C16orf82: variants seen among roughly 807,000 people sequenced by gnomAD.
The protein encoded by C16orf82 is chromosome 16 open reading frame 82.
For missense variants in C16orf82, 176 were observed against 206.1 expected, an observed-to-expected ratio of 0.85 and a Z score of 0.89; for synonymous variants, 82 against 85.5, an observed-to-expected ratio of 0.96 and a Z score of 0.22.
In C16orf82 at chr16:27,067,559, G is replaced by C; in HGVS notation, c.*99G>C. 1.1e-6 allele frequency: 1 copy of C among 924,454 alleles called. No homozygotes were observed. Among genetic ancestry groups the C allele is most frequent in the Non-Finnish European group, 1.5e-6 (1 of 686,518 alleles). 57.3% of individuals were successfully genotyped at this position (924,454 alleles called of 1,614,324 possible). A position where few individuals can be genotyped will look rare whatever the true frequency, so the allele number is the denominator to read the frequency against. On this transcript the variant is annotated 3_prime_UTR_variant, in exon 1 of 1. Transcript: ENST00000505035. ...GCCCTCACCTACAAGGTGAGCAGCG[G>C]GCTGCTGACTTCCACAGCCAGCCTT...
rs748192515 is a variant in C16orf82, at chr16:27,069,057, G to T, written c.*1597G>T. Reference sequence around the variant, plus strand: ...GTTGACCTCACAGACATTGAAGTGAGTCTGCCCACAAAGGAAAAGAGGCCA... The same window carrying T: ...GTTGACCTCACAGACATTGAAGTGATTCTGCCCACAAAGGAAAAGAGGCCA... On this transcript the variant is annotated 3_prime_UTR_variant, in exon 1 of 1. Coordinates refer to ENST00000505035, the MANE Select transcript of C16orf82 (RefSeq NM_001145545.2). 9.6e-5 allele frequency: 16 copies of T among 167,004 alleles called. No homozygotes were observed. Among genetic ancestry groups the T allele is most frequent in the Non-Finnish European group, 1.5e-4 (10 of 68,118 alleles). 10.3% of individuals were successfully genotyped at this position (167,004 alleles called of 1,614,324 possible).
chr16:27,067,279 A>C lies in C16orf82; in HGVS notation c.284A>C (p.Lys95Thr), dbSNP rs1219609011. ...CTGAGCAGCGGGTACGCAGGGGACA[A>C]GGAGGGCAGCGACATCAGCTTGGTG... The change falls in exon 1 of 1, where the codon AAG becomes ACG. Residue 95 changes from lysine to threonine, a missense_variant. By Grantham distance (78) the Lys-to-Thr change is moderately conservative (BLOSUM62 -1). Transcript: ENST00000505035. 1 of 1,363,876 alleles carries C rather than the reference A, an allele frequency of 7.3e-7. No homozygotes were observed. The highest frequency in any genetic ancestry group is 1.9e-5 in the Admixed American group (1 of 51,974). The allele number at this position is 1,363,876 out of a possible 1,614,324, so 84.5% of individuals were successfully genotyped here. A position where few individuals can be genotyped will look rare whatever the true frequency, so the allele number is the denominator to read the frequency against.
In C16orf82 at chr16:27,067,481, G is replaced by A; in HGVS notation, c.*21G>A. The A allele has an allele frequency of 1.6e-6, 2 of 1,289,880 alleles. No individual in the cohort carries two copies. Among genetic ancestry groups the A allele is most frequent in the Non-Finnish European group, 2.0e-6 (2 of 981,740 alleles). The allele number at this position is 1,289,880 out of a possible 1,614,324, so 79.9% of individuals were successfully genotyped here. A position where few individuals can be genotyped will look rare whatever the true frequency, so the allele number is the denominator to read the frequency against. Reference sequence around the variant, plus strand: ...AGTGAGGCCAGCCTGCCCGGCAGCGGCAGCGGCAGCAGCATCCTGTCCAGC... The same window carrying A: ...AGTGAGGCCAGCCTGCCCGGCAGCGACAGCGGCAGCAGCATCCTGTCCAGC... On this transcript the variant is annotated 3_prime_UTR_variant, in exon 1 of 1. Transcript: ENST00000505035.
chr16:27,067,351 C>T lies in C16orf82; in HGVS notation c.356C>T (p.Ala119Val), dbSNP rs114686980. 1.9e-3 allele frequency: 2,518 copies of T among 1,344,074 alleles called. 42 individuals are homozygous for T. The African/African-American group carries it at 0.031, about 17-fold the overall frequency. The allele number at this position is 1,344,074 out of a possible 1,614,324, so 83.3% of individuals were successfully genotyped here. The change falls in exon 1 of 1, where the codon GCG becomes GTG. Residue 119 changes from alanine to valine, a missense_variant. Transcript: ENST00000505035. ...CTGAACAGAAGGCTCAACACCCAGG[C>T]GGCCAGTAACCAAACCAGCCAGCTG...
rs185409807 is a variant in C16orf82 at position 27,067,224 on chromosome 16, C to T, written c.229C>T (p.Pro77Ser). 3.4e-3 allele frequency: 4,634 copies of T among 1,366,336 alleles called. 120 individuals carry two copies. In the African/African-American group the frequency reaches 0.057, roughly 17 times the overall value. The allele number at this position is 1,366,336 out of a possible 1,614,324, so 84.6% of individuals were successfully genotyped here. ...GAGTCATGTTTCCAGCGTGCAGCAC[C>T]CGAGGCCAGAGGAGGGCAGCCATGC... Residue 77 changes from proline (P) to serine (S), a missense_variant, in exon 1 of 1, where the codon CCG (proline) becomes TCG (serine). By Grantham distance (74) the Pro-to-Ser change is moderately conservative. Coordinates refer to ENST00000505035, the MANE Select transcript of C16orf82 (RefSeq NM_001145545.2).
Position 27,068,095 on chromosome 16 carries a change from C to CAA in C16orf82, c.*635_*636insAA, listed in dbSNP as rs200068485. The CAA allele has an allele frequency of 0.015, 2,567 of 167,884 alleles. 69 individuals are homozygous for CAA. Among genetic ancestry groups the CAA allele is most frequent in the African/African-American group, 0.058 (2,404 of 41,548 alleles). The allele number at this position is 167,884 out of a possible 1,614,324, so 10.4% of individuals were successfully genotyped here. On this transcript the variant is annotated 3_prime_UTR_variant, in exon 1 of 1. Coordinates refer to ENST00000505035, the MANE Select transcript of C16orf82 (RefSeq NM_001145545.2). ...TCAAAACAGCGAAGAGTAATGACAT[C>CAA]GACTGTGAACTTCAGTGACAAGCCA...
Position 27,067,697 on chromosome 16 carries a change from C to T in C16orf82, c.*237C>T, listed in dbSNP as rs1022250376. The T allele has an allele frequency of 2.7e-6, 1 of 368,122 alleles. No individual in the cohort carries two copies. Among genetic ancestry groups the T allele is most frequent in the African/African-American group, 2.1e-5 (1 of 46,668 alleles). The allele number at this position is 368,122 out of a possible 1,614,324, so 22.8% of individuals were successfully genotyped here. ...GACAAGACGGGCGGCAACGTGAAAACCAGTGAGCAGGTCACCACGGGGGAG... is the reference window on the plus strand; with the variant it reads ...GACAAGACGGGCGGCAACGTGAAAATCAGTGAGCAGGTCACCACGGGGGAG... On this transcript the variant is annotated 3_prime_UTR_variant, in exon 1 of 1. Coordinates refer to ENST00000505035, the MANE Select transcript of C16orf82 (RefSeq NM_001145545.2).
rs1283071087 is a variant in C16orf82, at chr16:27,068,139, A to C, written c.*679A>C. 6.0e-6 allele frequency: 1 copy of C among 167,414 alleles called. No homozygotes were observed. Among genetic ancestry groups the C allele is most frequent in the Admixed American group, 6.5e-5 (1 of 15,300 alleles). The allele number at this position is 167,414 out of a possible 1,614,324, so 10.4% of individuals were successfully genotyped here. ...CAAGCCATCTATAACAAGATCCATC[A>C]ATGGCAAAACCATCTGTAGTCAGCA... On this transcript the variant is annotated 3_prime_UTR_variant, in exon 1 of 1. Coordinates refer to ENST00000505035, the MANE Select transcript of C16orf82 (RefSeq NM_001145545.2).
At position 27,067,624 on chromosome 16, in the gene C16orf82, G is replaced by T; in HGVS notation, c.*164G>T. On this transcript the variant is annotated 3_prime_UTR_variant, in exon 1 of 1. Transcript: ENST00000505035. ...CAGCAGCCGTCAGAGCGTCCGGCTG[G>T]ATGGCAGTGCCCAAAACAGGCAGAG... is the stretch of plus-strand genomic sequence containing the variant. 2.0e-6 allele frequency: 1 copy of T among 490,888 alleles called. No homozygotes were observed. The allele number at this position is 490,888 out of a possible 1,614,324, so 30.4% of individuals were successfully genotyped here.
Position 27,068,636 on chromosome 16 carries a change from C to A in C16orf82, c.*1176C>A, listed in dbSNP as rs2280183. 0.26 allele frequency: 43,111 copies of A among 166,602 alleles called. 5,779 individuals carry two copies. The highest frequency in any genetic ancestry group is 0.38 in the East Asian group (1,956 of 5,168). 10.3% of individuals were successfully genotyped at this position (166,602 alleles called of 1,614,324 possible). A position where few individuals can be genotyped will look rare whatever the true frequency, so the allele number is the denominator to read the frequency against. ...TAGGTCTAGTGAGAACATTAGAGGG[C>A]GGTGTAAATGGATCCCCATGCCTGG... is the stretch of plus-strand genomic sequence containing the variant. On this transcript the variant is annotated 3_prime_UTR_variant, in exon 1 of 1. Coordinates refer to ENST00000505035, the MANE Select transcript of C16orf82 (RefSeq NM_001145545.2).
Position 27,067,045 on chromosome 16 carries a change from G to A in C16orf82, c.50G>A (p.Gly17Glu), listed in dbSNP as rs748884203. ...CCCATTTTTCTCGAGGGAGAAAAAG[G>A]GGAATCCTCTGTCCAGAATGAGCAG... The change falls in exon 1 of 1, where the codon GGG becomes GAG. Residue 17 changes from glycine (G) to glutamate (E), a missense_variant. Gly to Glu is a moderately conservative substitution (Grantham distance 98). Transcript: ENST00000505035. 1.5e-6 allele frequency: 2 copies of A among 1,367,712 alleles called. No homozygotes were observed. The highest frequency in any genetic ancestry group is 9.1e-5 in the East Asian group (2 of 21,970). The allele number at this position is 1,367,712 out of a possible 1,614,324, so 84.7% of individuals were successfully genotyped here. A position where few individuals can be genotyped will look rare whatever the true frequency, so the allele number is the denominator to read the frequency against.
At position 27,067,528 on chromosome 16, in the gene C16orf82, A is replaced by C; in HGVS notation, c.*68A>C. 8.6e-6 allele frequency: 10 copies of C among 1,161,636 alleles called. No homozygotes were observed. The highest frequency in any genetic ancestry group is 1.1e-5 in the Non-Finnish European group (10 of 889,994). 72.0% of individuals were successfully genotyped at this position (1,161,636 alleles called of 1,614,324 possible). A position where few individuals can be genotyped will look rare whatever the true frequency, so the allele number is the denominator to read the frequency against. On this transcript the variant is annotated 3_prime_UTR_variant, in exon 1 of 1. Transcript: ENST00000505035. ...CAGCGCCAGCTTCATCAGCTTGGGC[A>C]GCAGTGCCCTCACCTACAAGGTGAG...
rs1683743902 is a variant in C16orf82, at chr16:27,068,838, G to T, written c.*1378G>T. 6.0e-6 allele frequency: 1 copy of T among 166,828 alleles called. No homozygotes were observed. Among genetic ancestry groups the T allele is most frequent in the Non-Finnish European group, 1.5e-5 (1 of 68,116 alleles). 10.3% of individuals were successfully genotyped at this position (166,828 alleles called of 1,614,324 possible). A position where few individuals can be genotyped will look rare whatever the true frequency, so the allele number is the denominator to read the frequency against. Reference sequence around the variant, plus strand: ...GAAAGGAGGCCAGGAGCCATCCTGTGTTCAGATGGTTGAGACAGTGACTAC... The same window carrying T: ...GAAAGGAGGCCAGGAGCCATCCTGTTTTCAGATGGTTGAGACAGTGACTAC... On this transcript the variant is annotated 3_prime_UTR_variant, in exon 1 of 1. Transcript: ENST00000505035.
chr16:27,067,506 C>A lies in C16orf82; in HGVS notation c.*46C>A, dbSNP rs567651596. On this transcript the variant is annotated 3_prime_UTR_variant, in exon 1 of 1. Transcript: ENST00000505035. ...GCAGCGGCAGCAGCATCCTGTCCAG[C>A]GCCAGCTTCATCAGCTTGGGCAGCA... 2.4e-6 allele frequency: 3 copies of A among 1,249,444 alleles called. No homozygotes were observed. In the African/African-American group the frequency reaches 4.6e-5, roughly 19 times the overall value. The allele number at this position is 1,249,444 out of a possible 1,614,324, so 77.4% of individuals were successfully genotyped here.
Position 27,067,303 on chromosome 16 carries a change from T to C in C16orf82, c.308T>C (p.Val103Ala). ...AAGGAGGGCAGCGACATCAGCTTGG[T>C]GGGCAGCCACCGGAGAGTGCGGCTG... Residue 103 changes from valine to alanine, a missense_variant, in exon 1 of 1, where the codon GTG (valine) becomes GCG (alanine). Transcript: ENST00000505035. 2 of 1,360,098 alleles carry C rather than the reference T, an allele frequency of 1.5e-6. No individual in the cohort carries two copies. Among genetic ancestry groups the C allele is most frequent in the Non-Finnish European group, 2.0e-6 (2 of 1,018,742 alleles). 84.3% of individuals were successfully genotyped at this position (1,360,098 alleles called of 1,614,324 possible).
In C16orf82 at chr16:27,067,215, G is replaced by A. The variant is rs758103485; in HGVS notation, c.220G>A (p.Val74Met). The change falls in exon 1 of 1, where the codon GTG becomes ATG. Residue 74 changes from valine (V) to methionine (M), a missense_variant. Coordinates refer to ENST00000505035, the MANE Select transcript of C16orf82 (RefSeq NM_001145545.2). Reference sequence around the variant, plus strand: ...GAGCAGCGAGAGTCATGTTTCCAGCGTGCAGCACCCGAGGCCAGAGGAGGG... The same window carrying A: ...GAGCAGCGAGAGTCATGTTTCCAGCATGCAGCACCCGAGGCCAGAGGAGGG... 47 of 1,366,432 alleles carry A rather than the reference G, an allele frequency of 3.4e-5. No individual in the cohort carries two copies. Among genetic ancestry groups the A allele is most frequent in the Non-Finnish European group, 4.0e-5 (41 of 1,021,476 alleles). The allele number at this position is 1,366,432 out of a possible 1,614,324, so 84.6% of individuals were successfully genotyped here. A position where few individuals can be genotyped will look rare whatever the true frequency, so the allele number is the denominator to read the frequency against.
rs1900427536 is a variant in C16orf82, at chr16:27,068,218, C to T, written c.*758C>T. The T allele has an allele frequency of 2.4e-5, 4 of 167,222 alleles. No individual in the cohort carries two copies. In the South Asian group the frequency reaches 8.3e-4, roughly 35 times the overall value. 10.4% of individuals were successfully genotyped at this position (167,222 alleles called of 1,614,324 possible). On this transcript the variant is annotated 3_prime_UTR_variant, in exon 1 of 1. Coordinates refer to ENST00000505035, the MANE Select transcript of C16orf82 (RefSeq NM_001145545.2). ...ACTCATCAGTGGCGACAGATGTTCT[C>T]GATGGCAAACGCTGACGATATTAAG...
Position 27,069,117 on chromosome 16 carries a change from A to C in C16orf82, c.*1657A>C, listed in dbSNP as rs114325463. Reference sequence around the variant, plus strand: ...GTGAAGACATCCACTAGGTACCAGAAGGAAAGCTGAGGGGGCAGCAAAGAC... The same window carrying C: ...GTGAAGACATCCACTAGGTACCAGACGGAAAGCTGAGGGGGCAGCAAAGAC... On this transcript the variant is annotated 3_prime_UTR_variant, in exon 1 of 1. Transcript: ENST00000505035. 3,033 of 166,804 alleles carry C rather than the reference A, an allele frequency of 0.018. 109 individuals are homozygous for C. Among genetic ancestry groups the C allele is most frequent in the African/African-American group, 0.068 (2,835 of 41,548 alleles). 10.3% of individuals were successfully genotyped at this position (166,804 alleles called of 1,614,324 possible). A position where few individuals can be genotyped will look rare whatever the true frequency, so the allele number is the denominator to read the frequency against.
In C16orf82 at chr16:27,067,597, G is replaced by A. The variant is rs1208742051; in HGVS notation, c.*137G>A. The A allele has an allele frequency of 2.6e-5, 17 of 642,260 alleles. No homozygotes were observed. The highest frequency in any genetic ancestry group is 2.2e-4 in the Admixed American group (6 of 27,072). The allele number at this position is 642,260 out of a possible 1,614,324, so 39.8% of individuals were successfully genotyped here. A position where few individuals can be genotyped will look rare whatever the true frequency, so the allele number is the denominator to read the frequency against. On this transcript the variant is annotated 3_prime_UTR_variant, in exon 1 of 1. Transcript: ENST00000505035. ...CACAGCCAGCCTTCCCTCCACCCAG[G>A]CCAGCAGCCGTCAGAGCGTCCGGCT...
Sources: gnomAD v4.1 joint callset for allele counts on GRCh38, gnomAD v4.1.1 for gene constraint, MANE v1.5 for transcripts, NCBI Gene and HGNC (gene_info 2026-07-23, HGNC 2026-07-21) for gene names.